The following MYOF variants were observed in gnomAD, a reference collection of about 807,000 sequenced individuals.
MYOF encodes fer-1-like 3, myoferlin.
A neutral mutation model predicts 284.2 loss-of-function variants in MYOF; 244 were observed. That is an observed-to-expected ratio of 0.86 (90% CI 0.77 to 0.95). MYOF has a LOEUF of 0.95. Ranked by LOEUF, MYOF falls within the 40% of genes least tolerant of loss-of-function variation. The pLI is 0.00. For synonymous variants in MYOF, 904 were observed against 919.7 expected (o/e 0.98, Z 0.31); for missense variants, 2,496 against 2,560.6 (o/e 0.97, Z 0.54).
intron 48 of MYOF, among the ~76,000 whole-genome samples, chr10:93,322,746 A>AGAGGAATAAAAAGAAACTACATG (rs1247759671): frequency 6.6e-6 from 1 of 152,238 alleles, no homozygotes; most frequent in Non-Finnish European, 1.5e-5. Flanking sequence ...AGGGTATCAA[A>AGAGGAATAAAAAGAAACTACATG]GAGGAATAAA....
intron 3 of MYOF, among the ~76,000 whole-genome samples, chr10:93,443,472 C>CTCTCTGTG (rs1201572994): frequency 3.6e-5 from 5 of 137,236 alleles, no homozygotes; most frequent in East Asian, 2.1e-4. Context: ...CTCTCTCTCT[C>CTCTCTGTG]TGTGTGTGTG....
intron 1 of MYOF, among the ~76,000 whole-genome samples, chr10:93,474,800 G>A (rs1441647175): frequency 6.6e-6 from 1 of 150,750 alleles, no homozygotes; most frequent in Non-Finnish European, 1.5e-5. Context: ...AGGCTGGAGT[G>A]TAATGGCGCC....
chr10:93,440,408 C>T (rs2056212188), intron 3 of MYOF, among the ~76,000 whole-genome samples: 1 of 40,286 alleles, frequency 2.5e-5, no homozygotes, highest in Non-Finnish European at 5.6e-5. Context: ...AAGACTCCGT[C>T]TCGAAAAAAA....
intron 1 of MYOF, among the ~76,000 whole-genome samples, chr10:93,465,138 A>C (rs1238338370): frequency 1.3e-5 from 2 of 152,248 alleles, no homozygotes; most frequent in Non-Finnish European, 2.9e-5. Flanking sequence ...ACAGAGGAAG[A>C]AACCAAGACA....
At chr10:93,443,468 CTCTCTGTGTGTG>C (rs1176176791) in intron 3 of MYOF, among the ~76,000 whole-genome samples, 2 of 114,628 alleles carry the variant, frequency 1.7e-5, no homozygotes, top group African/African-American at 6.8e-5. Flanking sequence ...CTCTCTCTCT[CTCTCTGTGTGTG>C]TGTGTGTGTG....
chr10:93,307,050 T>C (rs371248734), intron 53 of MYOF, 49 bp from the exon 54 acceptor site: 474 of 1,516,490 alleles, frequency 3.1e-4, no homozygotes, highest in South Asian at 9.0e-4. Flanking sequence ...TGTATATATG[T>C]TTTTCAGTTA....
intron 25 of MYOF, among the ~76,000 whole-genome samples, chr10:93,367,651 A>G (rs1175713499): frequency 6.6e-6 from 1 of 152,156 alleles, no homozygotes; most frequent in East Asian, 1.9e-4. Context: ...AAATCCAGGC[A>G]AAGACTTGGC....
intron 49 of MYOF, among the ~76,000 whole-genome samples, chr10:93,318,762 A>G (rs1002901129): frequency 6.6e-6 from 1 of 152,156 alleles, no homozygotes; most frequent in African/African-American, 2.4e-5. Context: ...CTGTCTCAAA[A>G]AAACAAAAAA....
chr10:93,416,743 G>A (rs571865567), intron 5 of MYOF, among the ~76,000 whole-genome samples: 5 of 151,664 alleles, frequency 3.3e-5, no homozygotes, highest in South Asian at 2.1e-4. Flanking sequence ...GACTATAGGC[G>A]CACACCACCA....
rs375479557 is a variant in MYOF at position 93,440,824 on chromosome 10, CT to C, written c.237-9309del. Among the ~76,000 whole-genome samples, 57 of 152,308 alleles carry C rather than the reference CT, an allele frequency of 3.7e-4. No individual in the cohort carries two copies. The East Asian group carries it at 0.011, about 29-fold the overall frequency. On this transcript the variant is annotated intron_variant, in intron 3 of 53. Transcript: ENST00000359263. ...GAGATGCCTTTCTCTTTCAGCCTCTCTGGGTATCTTTCTCCAGGGCTGTGGC... is the reference window on the plus strand; with the variant it reads ...GAGATGCCTTTCTCTTTCAGCCTCTCGGGTATCTTTCTCCAGGGCTGTGGC...
intron 48 of MYOF, 42 bp downstream of exon 48, chr10:93,323,036 G>A (rs1017083630): frequency 3.9e-6 from 6 of 1,553,452 alleles, no homozygotes; most frequent in Non-Finnish European, 5.3e-6. Flanking sequence ...GAGAGAGTCT[G>A]TTTCCCTGAG....
In MYOF at chr10:93,333,885, T is replaced by G; in HGVS notation, c.4592A>C (p.Asp1531Ala). Reference protein sequence around the residue: ...KGSFRIYPLPDDPSVPAPPRQ... With the variant: ...KGSFRIYPLPADPSVPAPPRQ... Reference sequence around the variant, plus strand: ...GGGAGGGGCTGGCACGCTGGGGTCATCCGGCAGAGGGTAGATCCGAAAGGA... The same window carrying G: ...GGGAGGGGCTGGCACGCTGGGGTCAGCCGGCAGAGGGTAGATCCGAAAGGA... The change falls in exon 42 of 54, where the codon GAT becomes GCT. Residue 1531 changes from aspartate (D) to alanine (A), a missense_variant. Asp to Ala is a moderately radical substitution (Grantham distance 126, BLOSUM62 -2). Transcript: ENST00000359263. 1 of 1,613,942 alleles carries G rather than the reference T, an allele frequency of 6.2e-7. No individual in the cohort carries two copies. The highest frequency in any genetic ancestry group is 8.5e-7 in the Non-Finnish European group (1 of 1,179,994).
At chr10:93,428,771 C>T (rs1255650819) in intron 4 of MYOF, among the ~76,000 whole-genome samples, 3 of 152,176 alleles carry the variant, frequency 2.0e-5, no homozygotes, top group Non-Finnish European at 4.4e-5. Flanking sequence ...ATAAGAGCAG[C>T]ATCTCATGGC....
At chr10:93,331,132 G>A (rs770728765) in intron 43 of MYOF, among the ~76,000 whole-genome samples, 3 of 152,064 alleles carry the variant, frequency 2.0e-5, no homozygotes, top group Admixed American at 6.6e-5. Context: ...AATATCCTGT[G>A]GAAGACACCG....
At chr10:93,348,103 T>C (rs1206757692) in intron 36 of MYOF, among the ~76,000 whole-genome samples, 1 of 152,190 alleles carries the variant, frequency 6.6e-6, no homozygotes, top group Non-Finnish European at 1.5e-5. Context: ...ACCCATGCTG[T>C]GTCCTGTAAG....
intron 5 of MYOF, among the ~76,000 whole-genome samples, chr10:93,421,211 C>T (rs1050361194): frequency 6.6e-6 from 1 of 151,808 alleles, no homozygotes; most frequent in African/African-American, 2.4e-5. Flanking sequence ...ACTGAGATTC[C>T]ACTTCAAAAA....
At chr10:93,446,256 A>G (rs1003144207) in intron 3 of MYOF, among the ~76,000 whole-genome samples, 1 of 152,136 alleles carries the variant, frequency 6.6e-6, no homozygotes, top group Admixed American at 6.5e-5. Context: ...ATGAGAGATA[A>G]TGTTCTAATT....
chr10:93,479,209 C>G (rs971444287), intron 1 of MYOF, among the ~76,000 whole-genome samples: 8 of 150,896 alleles, frequency 5.3e-5, no homozygotes, highest in Non-Finnish European at 7.4e-5. Flanking sequence ...GGTGCGATCT[C>G]TGCTCACTGG....
chr10:93,397,336 G>T (rs377738234), intron 14 of MYOF, 46 bp from the exon 15 acceptor site: 1 of 1,590,154 alleles, frequency 6.3e-7, no homozygotes, highest in Admixed American at 1.7e-5. Context: ...CAATGATTTA[G>T]TAATTATTAA....
Sources: gnomAD v4.1 joint callset for allele counts (sites outside exome capture counted in the v4.1 genomes callset) on GRCh38, gnomAD v4.1.1 for gene constraint, MANE v1.5 for transcripts, NCBI Gene and HGNC (gene_info 2026-07-23, HGNC 2026-07-21) for gene names.